MEMO1: variants seen among roughly 807,000 people sequenced by gnomAD.
The protein encoded by MEMO1 is protein MEMO1.
A neutral mutation model predicts 45.2 loss-of-function variants in MEMO1; 6 were observed. That is an observed-to-expected ratio of 0.13 (90% CI 0.07 to 0.26). MEMO1 has a LOEUF of 0.26. Among genes scored for constraint, MEMO1 ranks in the 10% least tolerant of loss-of-function variants. MEMO1 has a pLI of 1.00. For synonymous variants in MEMO1, 78 were observed against 124.3 expected (o/e 0.63, Z 2.48); for missense variants, 184 against 370.5 (o/e 0.50, Z 4.13).
intron 2 of MEMO1, among the ~76,000 whole-genome samples, chr2:31,967,124 ATTT>A (rs35691981): frequency 2.8e-4 from 33 of 118,374 alleles, no homozygotes; most frequent in Admixed American, 5.2e-4. Flanking sequence ...TCAGTATTTT[ATTT>A]TTTTTTTTTT....
chr2:31,990,541 T>C (rs544795479), intron 2 of MEMO1, among the ~76,000 whole-genome samples: 1 of 151,706 alleles, frequency 6.6e-6, no homozygotes, highest in South Asian at 2.1e-4. Flanking sequence ...AAACTCTGCC[T>C]ACCAGGCTCA....
At chr2:31,922,055 A>C (rs1572688902) in intron 4 of MEMO1, among the ~76,000 whole-genome samples, 1 of 152,036 alleles carries the variant, frequency 6.6e-6, no homozygotes. Flanking sequence ...TTCCCACATC[A>C]CATACAAAAC....
intron 4 of MEMO1, among the ~76,000 whole-genome samples, chr2:31,931,329 A>G (rs1267086833): frequency 6.6e-6 from 1 of 152,128 alleles, no homozygotes; most frequent in African/African-American, 2.4e-5. Context: ...CTACATCTCT[A>G]CTAATTCAGA....
chr2:32,000,424 G>GT (rs1275884097), intron 2 of MEMO1, among the ~76,000 whole-genome samples: 2 of 151,804 alleles, frequency 1.3e-5, no homozygotes, highest in Non-Finnish European at 2.9e-5. Context: ...TAGAGACGGG[G>GT]TTTCACCGTG....
At chr2:31,954,381 C>T (rs1005749468) in intron 2 of MEMO1, among the ~76,000 whole-genome samples, 5 of 152,134 alleles carry the variant, frequency 3.3e-5, no homozygotes, top group Non-Finnish European at 7.4e-5. Flanking sequence ...GCCAGAAGTT[C>T]GTGACCAGCT....
chr2:31,932,153 T>C lies in MEMO1; in HGVS notation c.144-18A>G. 6.2e-7 allele frequency: 1 copy of C among 1,606,440 alleles called. No homozygotes were observed. The highest frequency in any genetic ancestry group is 8.5e-7 in the Non-Finnish European group (1 of 1,174,672). On this transcript the variant is annotated intron_variant, in intron 3 of 9. Coordinates refer to ENST00000404530, the MANE Select transcript of MEMO1 (RefSeq NM_001301833.4). Reference sequence around the variant, plus strand: ...CTGCATGGCTACAAAACAAAATATTTTTAAACTTAATCATCAGATTCAAAA... The same window carrying C: ...CTGCATGGCTACAAAACAAAATATTCTTAAACTTAATCATCAGATTCAAAA...
chr2:31,895,148 A>G (rs1045950933), intron 6 of MEMO1, among the ~76,000 whole-genome samples: 1 of 152,236 alleles, frequency 6.6e-6, no homozygotes, highest in African/African-American at 2.4e-5. Context: ...CTGCAAGGGA[A>G]AAAATGAGTA....
chr2:32,009,751 G>C (rs1674582436), intron 2 of MEMO1, among the ~76,000 whole-genome samples: 1 of 152,158 alleles, frequency 6.6e-6, no homozygotes, highest in South Asian at 2.1e-4. Flanking sequence ...GAGGGTCGCT[G>C]CCCTGCGGCG....
chr2:31,940,245 C>A (rs180695548), intron 3 of MEMO1, among the ~76,000 whole-genome samples: 24 of 152,284 alleles, frequency 1.6e-4, no homozygotes, highest in Admixed American at 1.4e-3. Flanking sequence ...GGCAACCATA[C>A]CCTCTGTGAT....
intron 4 of MEMO1, among the ~76,000 whole-genome samples, chr2:31,931,477 G>A (rs1004222983): frequency 6.6e-6 from 1 of 151,856 alleles, no homozygotes; most frequent in Non-Finnish European, 1.5e-5. Context: ...ACTATTTCCA[G>A]CAAAACCTCT....
At chr2:31,879,094 T>G (rs116334262) in intron 8 of MEMO1, among the ~76,000 whole-genome samples, 3 of 152,294 alleles carry the variant, frequency 2.0e-5, no homozygotes, top group African/African-American at 2.4e-5. Context: ...CCAAATCAGT[T>G]AACATTTAAA....
chr2:31,996,756 G>A (rs1672665649), intron 2 of MEMO1, among the ~76,000 whole-genome samples: 1 of 152,102 alleles, frequency 6.6e-6, no homozygotes, highest in South Asian at 2.1e-4. Flanking sequence ...TAGGAGTCAA[G>A]GTCGTGCTCT....
At chr2:31,974,307 T>A (rs1255215956) in intron 2 of MEMO1, among the ~76,000 whole-genome samples, 1 of 152,212 alleles carries the variant, frequency 6.6e-6, no homozygotes, top group Non-Finnish European at 1.5e-5. Context: ...ATATACTGGT[T>A]GGAAAATCAC....
At chr2:31,935,699 T>G (rs895437509) in intron 3 of MEMO1, among the ~76,000 whole-genome samples, 1 of 152,026 alleles carries the variant, frequency 6.6e-6, no homozygotes, top group Non-Finnish European at 1.5e-5. Context: ...ATGAAGAAAA[T>G]CAGAATAATG....
chr2:31,925,286 C>T (rs1030807345), intron 4 of MEMO1, among the ~76,000 whole-genome samples: 3 of 151,918 alleles, frequency 2.0e-5, no homozygotes, highest in Non-Finnish European at 4.4e-5. Context: ...GACCATCTGG[C>T]TAACATGGTG....
At chr2:31,869,079 A>C (rs923297871) in intron 9 of MEMO1, among the ~76,000 whole-genome samples, 3 of 152,206 alleles carry the variant, frequency 2.0e-5, no homozygotes, top group Admixed American at 2.0e-4. Context: ...AATACAGCTT[A>C]GAAGAAAAAC....
In MEMO1 at chr2:31,979,721, C is replaced by T. The variant is rs1670419087; in HGVS notation, c.61+30466G>A. The stretch of plus-strand genomic sequence containing the variant: ...TGAATTTTAAAAAACAAAAAGCAAG[C>T]TAAAAACACCATGGTACTGGAATGC... On this transcript the variant is annotated intron_variant, in intron 2 of 9. Coordinates refer to ENST00000404530, the MANE Select transcript of MEMO1 (RefSeq NM_001301833.4). Among the ~76,000 whole-genome samples the T allele has an allele frequency of 2.0e-5, 3 of 151,918 alleles. No homozygotes were observed. The South Asian group carries it at 6.2e-4, about 32-fold the overall frequency.
chr2:31,999,498 C>G (rs768420779), intron 2 of MEMO1, among the ~76,000 whole-genome samples: 59 of 152,224 alleles, frequency 3.9e-4, no homozygotes, highest in Non-Finnish European at 7.5e-4. Context: ...CCCGCCCCCC[C>G]ATCTCTACCA....
intron 3 of MEMO1, among the ~76,000 whole-genome samples, chr2:31,933,287 C>A (rs1664406995): frequency 8.0e-6 from 1 of 125,486 alleles, no homozygotes; most frequent in African/African-American, 3.1e-5. Flanking sequence ...CACACACCAG[C>A]CTGGATGACA....
Sources: gnomAD v4.1 joint callset for allele counts (sites outside exome capture counted in the v4.1 genomes callset) on GRCh38, gnomAD v4.1.1 for gene constraint, MANE v1.5 for transcripts, NCBI Gene and HGNC (gene_info 2026-07-23, HGNC 2026-07-21) for gene names.